Variants in SGCD observed in about 807,000 individuals in gnomAD.
SGCD encodes the protein delta-sarcoglycan.
SGCD carries 18 observed loss-of-function variants against 36.6 expected under a neutral mutation model. The observed-to-expected ratio is 0.49, with a 90% confidence interval of 0.34 to 0.73. SGCD has a LOEUF of 0.73. Ranked by LOEUF, SGCD falls within the 30% of genes least tolerant of loss-of-function variation. The pLI is 0.01. For missense variants in SGCD, 387 were observed against 346.7 expected, an observed-to-expected ratio of 1.12 and a Z score of -0.92; for synonymous variants, 133 against 130.6, an observed-to-expected ratio of 1.02 and a Z score of -0.12.
intron 3 of SGCD, among the ~76,000 whole-genome samples, chr5:156,422,648 G>C (rs577829591): frequency 6.6e-6 from 1 of 152,054 alleles, no homozygotes; most frequent in Non-Finnish European, 1.5e-5. Flanking sequence ...ATAAAGCAGG[G>C]TTTCTCAACA....
At chr5:156,053,397 G>C (rs1274117887) in intron 1 of SGCD, among the ~76,000 whole-genome samples, 1 of 146,516 alleles carries the variant, frequency 6.8e-6, no homozygotes, top group Non-Finnish European at 1.5e-5. Flanking sequence ...GAGACAGGGG[G>C]CTGAGAATCC....
At chr5:156,744,880 C>T (rs1227197978) in intron 7 of SGCD, among the ~76,000 whole-genome samples, 2 of 152,124 alleles carry the variant, frequency 1.3e-5, no homozygotes, top group African/African-American at 4.8e-5. Context: ...AAATTGGAAA[C>T]CTGGACCTCC....
the SGCD span, among the ~76,000 whole-genome samples, chr5:155,857,637 G>A: frequency 6.6e-6 from 1 of 152,176 alleles, no homozygotes; most frequent in African/African-American, 2.4e-5. Context: ...GGAAGTGGGG[G>A]TGGGGATGGG....
intron 1 of SGCD, among the ~76,000 whole-genome samples, chr5:156,054,837 A>G (rs558523704): frequency 6.8e-6 from 1 of 146,828 alleles, no homozygotes; most frequent in East Asian, 1.9e-4. Flanking sequence ...AAATACACAA[A>G]CAGGGTTACT....
In SGCD at chr5:156,344,576, C is replaced by T. The variant is rs202223676; in HGVS notation, c.91C>T (p.Arg31Trp). ...QVYKVGIYGWRKRCLYFFVLL... is the reference protein window; with the variant it reads ...QVYKVGIYGWWKRCLYFFVLL... ...ATACAAGGTGGGGATTTATGGCTGG[C>T]GGAAACGATGCCTGTATTTCTTTGT... is the stretch of plus-strand genomic sequence containing the variant. The change falls in exon 3 of 9, where the codon CGG (arginine) becomes TGG (tryptophan). Residue 31 changes from arginine to tryptophan, a missense_variant. Transcript: ENST00000337851. 25 of 1,609,532 alleles carry T rather than the reference C, an allele frequency of 1.6e-5. No individual in the cohort carries two copies. Among genetic ancestry groups the T allele is most frequent in the Middle Eastern group, 1.6e-4 (1 of 6,064 alleles).
At chr5:156,594,360 T>A (rs1760840378) in intron 5 of SGCD, among the ~76,000 whole-genome samples, 1 of 152,164 alleles carries the variant, frequency 6.6e-6, no homozygotes, top group African/African-American at 2.4e-5. Context: ...AATCCTAATA[T>A]AAAAGATTGA....
intron 3 of SGCD, among the ~76,000 whole-genome samples, chr5:156,250,697 A>G (rs1247468862): frequency 6.6e-6 from 1 of 152,220 alleles, no homozygotes; most frequent in Non-Finnish European, 1.5e-5. Flanking sequence ...AGACTCTGTT[A>G]GGGTGTTTTA....
chr5:156,628,417 G>T (rs1031576669), intron 6 of SGCD, among the ~76,000 whole-genome samples: 1 of 152,188 alleles, frequency 6.6e-6, no homozygotes, highest in Non-Finnish European at 1.5e-5. Flanking sequence ...AAATGCCTTT[G>T]TTCAAATTCA....
the SGCD span, among the ~76,000 whole-genome samples, chr5:155,840,540 C>T: frequency 3.3e-5 from 5 of 150,834 alleles, no homozygotes; most frequent in South Asian, 6.3e-4. Context: ...CTGCCTGCCT[C>T]GGCCTCCCAA....
At position 156,008,323 on chromosome 5, in the gene SGCD, C is replaced by A. The variant is rs549979292; in HGVS notation, c.-281-109555C>A. Among the ~76,000 whole-genome samples, 14 of 152,200 alleles carry A rather than the reference C, an allele frequency of 9.2e-5. 1 individual carries two copies. The South Asian group carries it at 2.9e-3, about 32-fold the overall frequency. On this transcript the variant is annotated intron_variant, in intron 1 of 9. Coordinates refer to the SGCD transcript ENST00000517913. ...TCCTTGACTTACAGCTGATATGCTC[C>A]GATCTGCACACTCCCCATTCCCATT... is the stretch of plus-strand genomic sequence containing the variant.
intron 3 of SGCD, among the ~76,000 whole-genome samples, chr5:156,447,901 T>G (rs948903005): frequency 6.6e-6 from 1 of 152,164 alleles, no homozygotes; most frequent in Non-Finnish European, 1.5e-5. Flanking sequence ...TTATTCTCAT[T>G]ATTACCCTAT....
the SGCD span, among the ~76,000 whole-genome samples, chr5:155,860,815 A>G: frequency 6.6e-6 from 1 of 152,218 alleles, no homozygotes; most frequent in African/African-American, 2.4e-5. Context: ...AATCCAGGGA[A>G]TATAGCTTTT....
intron 1 of SGCD, among the ~76,000 whole-genome samples, chr5:156,053,509 CAA>C (rs1759974859): frequency 6.8e-6 from 1 of 146,198 alleles, no homozygotes; most frequent in African/African-American, 2.5e-5. Context: ...TTATAAAATG[CAA>C]ATTAGAAGAT....
intron 3 of SGCD, among the ~76,000 whole-genome samples, chr5:156,387,330 G>T (rs61640971): frequency 6.6e-6 from 1 of 152,222 alleles, no homozygotes; most frequent in African/African-American, 2.4e-5. Context: ...ACCGGATTCA[G>T]AAACGACTGT....
At chr5:156,491,324 A>C (rs942092456) in intron 3 of SGCD, among the ~76,000 whole-genome samples, 1 of 152,162 alleles carries the variant, frequency 6.6e-6, no homozygotes, top group African/African-American at 2.4e-5. Context: ...GACACTCTTC[A>C]CAAAGTACAA....
chr5:155,926,914 AG>A (rs1244732558), intron 1 of SGCD, among the ~76,000 whole-genome samples: 3 of 152,200 alleles, frequency 2.0e-5, no homozygotes, highest in African/African-American at 4.8e-5. Flanking sequence ...CCCTCAGGGT[AG>A]TACCTTGGCA....
At chr5:155,894,361 G>T (rs530621112) in intron 1 of SGCD, among the ~76,000 whole-genome samples, 2 of 152,160 alleles carry the variant, frequency 1.3e-5, no homozygotes, top group South Asian at 4.2e-4. Context: ...GGCCATCCTT[G>T]ACCGAAACAT....
chr5:156,406,406 C>T (rs968216608), intron 3 of SGCD, among the ~76,000 whole-genome samples: 4 of 152,114 alleles, frequency 2.6e-5, no homozygotes, highest in African/African-American at 9.7e-5. Flanking sequence ...TACTCACCTA[C>T]TTCTGCTCTC....
chr5:156,410,938 G>A (rs1372629572), intron 3 of SGCD, among the ~76,000 whole-genome samples: 1 of 152,040 alleles, frequency 6.6e-6, no homozygotes, highest in African/African-American at 2.4e-5. Flanking sequence ...ACATACAAAG[G>A]ATTTAAGATT....
Sources: gnomAD v4.1 joint callset for allele counts (sites outside exome capture counted in the v4.1 genomes callset) on GRCh38, gnomAD v4.1.1 for gene constraint, MANE v1.5 for transcripts, NCBI Gene and HGNC (gene_info 2026-07-23, HGNC 2026-07-21) for gene names.